Variants in TENM2 observed in about 807,000 individuals in gnomAD.
The protein encoded by TENM2 is teneurin-2.
In TENM2, 52 loss-of-function variants were observed where a neutral mutation model predicts 245.2. That is an observed-to-expected ratio of 0.21 (90% confidence interval 0.17 to 0.27). TENM2 has a LOEUF of 0.27. Among genes scored for constraint, TENM2 ranks in the 10% least tolerant of loss-of-function variants. The pLI is 1.00. For synonymous variants in TENM2, 1,363 were observed against 1,438.9 expected (o/e 0.95, Z 1.19); for missense variants, 3,046 against 3,666.8 (o/e 0.83, Z 4.37).
At chr5:167,327,617 T>C (rs1757166691) in intron 1 of TENM2, among the ~76,000 whole-genome samples, 1 of 152,062 alleles carries the variant, frequency 6.6e-6, no homozygotes, top group Non-Finnish European at 1.5e-5. Flanking sequence ...TCCCCGAGGA[T>C]TTACCGATAA....
At chr5:167,561,452 G>A (rs926153091) in intron 2 of TENM2, among the ~76,000 whole-genome samples, 5 of 152,196 alleles carry the variant, frequency 3.3e-5, no homozygotes, top group Admixed American at 2.0e-4. Flanking sequence ...AGAGGAGAAG[G>A]CTGAACTTTT....
intron 2 of TENM2, among the ~76,000 whole-genome samples, chr5:167,541,168 CT>C (rs1429554098): frequency 6.6e-6 from 1 of 152,170 alleles, no homozygotes; most frequent in Admixed American, 6.5e-5. Flanking sequence ...TCAATCCCTT[CT>C]TCTAATAAAA....
intron 5 of TENM2, among the ~76,000 whole-genome samples, chr5:168,004,723 A>G (rs914201980): frequency 7.2e-5 from 11 of 152,322 alleles, no homozygotes; most frequent in Middle Eastern, 3.4e-3. Flanking sequence ...TTGCATTTGC[A>G]CAGATATGGA....
intron 2 of TENM2, among the ~76,000 whole-genome samples, chr5:167,845,420 A>G (rs1769955793): frequency 6.6e-6 from 1 of 152,052 alleles, no homozygotes; most frequent in African/African-American, 2.4e-5. Context: ...GTTCTTAATC[A>G]CCTTCATTAA....
At chr5:167,996,355 G>A (rs1024946602) in intron 5 of TENM2, among the ~76,000 whole-genome samples, 1 of 152,030 alleles carries the variant, frequency 6.6e-6, no homozygotes, top group Non-Finnish European at 1.5e-5. Context: ...TTCTCTCAGC[G>A]TACAAACATC....
chr5:167,475,589 T>G (rs1307023434), intron 2 of TENM2, among the ~76,000 whole-genome samples: 1 of 152,156 alleles, frequency 6.6e-6, no homozygotes, highest in East Asian at 1.9e-4. Flanking sequence ...CAACCCATCA[T>G]CTAGGCTTTA....
intron 1 of TENM2, among the ~76,000 whole-genome samples, chr5:167,288,257 G>GACAAACAAACA (rs1197030339): frequency 5.3e-5 from 8 of 152,104 alleles, no homozygotes; most frequent in African/African-American, 1.9e-4. Context: ...TAATAACAAT[G>GACAAACAAACA]ACAAAGGAAT....
chr5:167,661,837 T>C (rs1393769436), intron 2 of TENM2, among the ~76,000 whole-genome samples: 1 of 152,250 alleles, frequency 6.6e-6, no homozygotes, highest in Non-Finnish European at 1.5e-5. Context: ...ACAGGCCGTC[T>C]ACTCACTGGT....
At chr5:168,112,614 G>GGGC (rs149417434) in intron 9 of TENM2, among the ~76,000 whole-genome samples, 2 of 121,028 alleles carry the variant, frequency 1.7e-5, no homozygotes, top group Non-Finnish European at 3.5e-5. Flanking sequence ...GGCGGGGGGG[G>GGGC]GGTCAAACTT....
chr5:167,939,495 A>T (rs908444246), intron 3 of TENM2, among the ~76,000 whole-genome samples: 2 of 152,200 alleles, frequency 1.3e-5, no homozygotes, highest in Non-Finnish European at 2.9e-5. Context: ...AACTCTATCC[A>T]AGCTCTATTT....
the TENM2 span, among the ~76,000 whole-genome samples, chr5:167,034,204 G>T: frequency 6.6e-6 from 1 of 152,282 alleles, no homozygotes; most frequent in South Asian, 2.1e-4. Flanking sequence ...CGGGCTTGAG[G>T]CATGATAGAT....
the TENM2 span, among the ~76,000 whole-genome samples, chr5:167,209,338 A>G: frequency 6.7e-6 from 1 of 150,290 alleles, no homozygotes; most frequent in African/African-American, 2.5e-5. Context: ...ATCTCGGCTC[A>G]CTGCAACCTC....
At chr5:168,198,761 C>G (rs1444622554) in intron 15 of TENM2, 92 bp from the exon 18 acceptor site, 1 of 1,477,140 alleles carries the variant, frequency 6.8e-7, no homozygotes, top group African/African-American at 1.4e-5. Context: ...TGTGCTCTGC[C>G]CATCGCATGG....
upstream of TENM2, among the ~76,000 whole-genome samples, chr5:167,281,836 T>TA (rs1316334894): frequency 2.6e-5 from 4 of 151,878 alleles, no homozygotes; most frequent in Non-Finnish European, 5.9e-5. Flanking sequence ...CCGTCTCTAC[T>TA]AAAAATACAA....
the TENM2 span, among the ~76,000 whole-genome samples, chr5:167,214,885 T>C: frequency 6.6e-6 from 1 of 152,188 alleles, no homozygotes; most frequent in African/African-American, 2.4e-5. Flanking sequence ...AGCAGTGTAT[T>C]TTCATCTTGT....
intron 1 of TENM2, among the ~76,000 whole-genome samples, chr5:167,370,963 G>A (rs183266810): frequency 6.6e-4 from 101 of 152,274 alleles, no homozygotes; most frequent in African/African-American, 2.2e-3. Flanking sequence ...GTCTCCCATC[G>A]ATGAGCAAAG....
At chr5:167,016,240 C>T in the TENM2 span, among the ~76,000 whole-genome samples, 13 of 130,884 alleles carry the variant, frequency 9.9e-5, no homozygotes, top group East Asian at 1.1e-3. Flanking sequence ...GGCAACAGAG[C>T]GAGACTCTGT....
At chr5:167,736,725 A>T (rs1760827665) in intron 2 of TENM2, among the ~76,000 whole-genome samples, 1 of 150,402 alleles carries the variant, frequency 6.6e-6, no homozygotes, top group Non-Finnish European at 1.5e-5. Flanking sequence ...GTCTGAAGAG[A>T]GGAATTTGGA....
At chr5:167,507,621 G>A (rs940975355) in intron 2 of TENM2, among the ~76,000 whole-genome samples, 1 of 152,138 alleles carries the variant, frequency 6.6e-6, no homozygotes, top group Admixed American at 6.6e-5. Flanking sequence ...CTAGTGTCAT[G>A]AGTAATAATG....
Sources: allele counts gnomAD v4.1 joint callset (sites outside exome capture counted in the v4.1 genomes callset), GRCh38; gene constraint gnomAD v4.1.1; transcripts MANE v1.5; gene names NCBI Gene and HGNC (gene_info 2026-07-23, HGNC 2026-07-21).